The following CARNMT1 variants were observed in gnomAD, a reference collection of about 807,000 sequenced individuals.
CARNMT1 encodes protein-L-histidine N-pros-methyltransferase CARNMT1.
In CARNMT1, 28 loss-of-function variants were observed where a neutral mutation model predicts 49.6. The observed-to-expected ratio is 0.56, with a 90% CI of 0.42 to 0.77. CARNMT1 has a LOEUF of 0.77. Ranked by LOEUF, CARNMT1 falls within the 30% of genes least tolerant of loss-of-function variation. CARNMT1 has a pLI of 0.00. For synonymous variants in CARNMT1, 178 were observed against 175.0 expected, an observed-to-expected ratio of 1.02 and a Z score of -0.13; for missense variants, 421 against 512.6, an observed-to-expected ratio of 0.82 and a Z score of 1.73.
chr9:74,991,146 T>A (rs1832997916), intron 6 of CARNMT1: 1 of 152,150 alleles, frequency 6.6e-6, no homozygotes, highest in African/African-American at 2.4e-5. Context: ...TAAGTTTTTT[T>A]TTCTTTTTTT....
chr9:75,004,700 G>A (rs1026039734), intron 3 of CARNMT1, among the ~76,000 whole-genome samples: 1 of 152,114 alleles, frequency 6.6e-6, no homozygotes, highest in Non-Finnish European at 1.5e-5. Context: ...GAAAAAAAAT[G>A]CTTCGTTAAA....
In CARNMT1 at chr9:75,017,422, C is replaced by A. The variant is rs773256765; in HGVS notation, c.257G>T (p.Arg86Leu). ...YGTSMHERVN[R>L]TERQFRSLPA... is the part of the protein sequence containing the mutation. The stretch of plus-strand genomic sequence containing the variant: ...AAGTGATCGAAACTGTCTTTCTGTT[C>A]GGTTCACCCGCTCATGCATACTGGT... Residue 86 changes from arginine to leucine, a missense_variant, in exon 2 of 8, where the codon CGA (arginine) becomes CTA (leucine). Physicochemically the swap from Arg to Leu is moderately radical, Grantham distance 102. This residue lies in a region of CARNMT1 where 186 missense variants were observed against 167.9 expected (regional missense o/e 1.11). Coordinates refer to ENST00000376834, the MANE Select transcript of CARNMT1 (RefSeq NM_152420.3). 1 of 1,614,016 alleles carries A rather than the reference C, an allele frequency of 6.2e-7. No homozygotes were observed. Among genetic ancestry groups the A allele is most frequent in the East Asian group, 2.2e-5 (1 of 44,864 alleles).
chr9:75,012,426 A>G (rs1332519561), intron 3 of CARNMT1, among the ~76,000 whole-genome samples: 1 of 151,838 alleles, frequency 6.6e-6, no homozygotes, highest in Non-Finnish European at 1.5e-5. Flanking sequence ...AGCTAGAATT[A>G]CAGGTGTGCA....
At chr9:74,997,445 C>T (rs988701508) in intron 5 of CARNMT1, among the ~76,000 whole-genome samples, 1 of 152,162 alleles carries the variant, frequency 6.6e-6, no homozygotes, top group Non-Finnish European at 1.5e-5. Flanking sequence ...TCTCTGAGTA[C>T]AATTCCAAGT....
chr9:75,016,042 TATTTA>T, intron 3 of CARNMT1: 2 of 392,168 alleles, frequency 5.1e-6, no homozygotes, highest in Admixed American at 8.5e-5. Context: ...CTAACCTTAT[TATTTA>T]ATTTCTAAGT....
intron 6 of CARNMT1, among the ~76,000 whole-genome samples, chr9:74,993,549 T>C (rs1383844369): frequency 6.6e-6 from 1 of 152,144 alleles, no homozygotes; most frequent in Non-Finnish European, 1.5e-5. Context: ...GGGGCGTCCT[T>C]AAGGAAATTA....
chr9:75,001,707 G>T (rs1833363217), intron 3 of CARNMT1, among the ~76,000 whole-genome samples: 1 of 152,068 alleles, frequency 6.6e-6, no homozygotes, highest in Admixed American at 6.5e-5. Flanking sequence ...TTCTTCATTT[G>T]GTCTTTACAC....
intron 3 of CARNMT1, among the ~76,000 whole-genome samples, chr9:75,002,161 T>C (rs972702984): frequency 1.3e-5 from 2 of 152,204 alleles, no homozygotes; most frequent in African/African-American, 4.8e-5. Context: ...AGTCCATGTG[T>C]CTAAAGAGGC....
intron 1 of CARNMT1, among the ~76,000 whole-genome samples, chr9:75,019,093 G>A (rs548680212): frequency 3.6e-4 from 55 of 151,944 alleles, no homozygotes; most frequent in Admixed American, 6.6e-4. Flanking sequence ...GGAATGCAGC[G>A]AAATGAGTAA....
At chr9:75,004,460 T>C (rs1298939422) in intron 3 of CARNMT1, among the ~76,000 whole-genome samples, 1 of 152,236 alleles carries the variant, frequency 6.6e-6, no homozygotes, top group East Asian at 1.9e-4. Context: ...GTTATTCTTC[T>C]AGATCTGTAA....
chr9:75,005,463 TA>T (rs1361891892), intron 3 of CARNMT1, among the ~76,000 whole-genome samples: 1 of 150,170 alleles, frequency 6.7e-6, no homozygotes, highest in Non-Finnish European at 1.5e-5. Context: ...CATATTTCAT[TA>T]AGTATATGAT....
At chr9:75,021,540 A>C (rs1822364397) in intron 1 of CARNMT1, among the ~76,000 whole-genome samples, 1 of 151,004 alleles carries the variant, frequency 6.6e-6, no homozygotes, top group Non-Finnish European at 1.5e-5. Flanking sequence ...TAAAATGTTC[A>C]AAGCATGAAC....
Position 74,982,146 on chromosome 9 carries a change from C to G in CARNMT1, c.*1621G>C, listed in dbSNP as rs1832707928. The stretch of plus-strand genomic sequence containing the variant: ...CCCATCACTGTACACGGAAAAGGTC[C>G]CCCCAACTAGTAAGATGCCAAATAG... On this transcript the variant is annotated 3_prime_UTR_variant, in exon 8 of 8. Coordinates refer to ENST00000376834, the MANE Select transcript of CARNMT1 (RefSeq NM_152420.3). 6.6e-6 allele frequency: 1 copy of G among 152,072 alleles called. No homozygotes were observed. Among genetic ancestry groups the G allele is most frequent in the Non-Finnish European group, 1.5e-5 (1 of 67,996 alleles). The allele number at this position is 152,072 out of a possible 1,614,324, so 9.4% of individuals were successfully genotyped here.
At chr9:75,016,732 G>A (rs376675447) in intron 2 of CARNMT1, 20 of 298,074 alleles carry the variant, frequency 6.7e-5, no homozygotes, top group East Asian at 5.1e-4. Context: ...CTAAGAGAGG[G>A]AAGAAAGTCC....
At chr9:75,022,356 TG>T (rs951540912) in intron 1 of CARNMT1, among the ~76,000 whole-genome samples, 2 of 151,342 alleles carry the variant, frequency 1.3e-5, no homozygotes, top group African/African-American at 4.9e-5. Context: ...CCCAAGTAGC[TG>T]GGACTACAGG....
chr9:74,984,494 C>G (rs921369463), intron 7 of CARNMT1, among the ~76,000 whole-genome samples: 2 of 152,308 alleles, frequency 1.3e-5, no homozygotes, highest in South Asian at 4.1e-4. Context: ...ATCTGAAAAT[C>G]TGAAACGCTT....
chr9:74,984,080 C>T (rs1221038075), intron 7 of CARNMT1, among the ~76,000 whole-genome samples: 2 of 152,162 alleles, frequency 1.3e-5, no homozygotes, highest in African/African-American at 4.8e-5. Context: ...GAGATTCAAA[C>T]TCAGGCAGTC....
chr9:75,008,002 G>A (rs1833568006), intron 3 of CARNMT1, among the ~76,000 whole-genome samples: 1 of 151,852 alleles, frequency 6.6e-6, no homozygotes, highest in Admixed American at 6.6e-5. Flanking sequence ...ATTCAGTTGT[G>A]CTTCTATTAC....
At chr9:74,994,066 C>G (rs1243364995) in intron 6 of CARNMT1, among the ~76,000 whole-genome samples, 1 of 152,130 alleles carries the variant, frequency 6.6e-6, no homozygotes, top group Non-Finnish European at 1.5e-5. Context: ...GGTCCTCATC[C>G]AATAGGATTA....
Sources: gnomAD v4.1 joint callset for allele counts (sites outside exome capture counted in the v4.1 genomes callset) on GRCh38, gnomAD v4.1.1 for gene constraint, gnomAD v4.1.1 regional missense constraint, MANE v1.5 for transcripts, NCBI Gene and HGNC (gene_info 2026-07-23, HGNC 2026-07-21) for gene names.